SYNE1: variants seen among roughly 807,000 people sequenced by gnomAD.
The protein encoded by SYNE1 is spectrin repeat containing nuclear envelope protein 1, also known as nesprin-1.
A neutral mutation model predicts 1,111.0 loss-of-function variants in SYNE1; 616 were observed. The observed-to-expected ratio is 0.55, with a 90% CI of 0.52 to 0.59. The LOEUF (loss-of-function observed/expected upper bound fraction) is 0.59. Among genes scored for constraint, SYNE1 ranks in the 20% least tolerant of loss-of-function variants. The pLI is 0.00. For missense variants in SYNE1, 10,006 were observed against 10,417.0 expected (o/e 0.96, Z 1.72); for synonymous variants, 3,855 against 3,825.8 (o/e 1.01, Z -0.28).
In SYNE1 at chr6:152,278,280, T is replaced by C. The variant is rs571951279; in HGVS notation, c.18382A>G (p.Asn6128Asp). Reference protein sequence around the residue: ...DMEAQLMDCQNMLVEIEQKVV... With the variant: ...DMEAQLMDCQDMLVEIEQKVV... ...TTCTGCTCTATTTCCACCAGCATATTCTGCAGCAACAGAAATAAGAATGAA... is the reference window on the plus strand; with the variant it reads ...TTCTGCTCTATTTCCACCAGCATATCCTGCAGCAACAGAAATAAGAATGAA... Residue 6128 changes from asparagine to aspartate, a missense_variant and splice_region_variant, in exon 98 of 146, where the codon AAT (asparagine) becomes GAT (aspartate). By Grantham distance (23) the Asn-to-Asp change is conservative (BLOSUM62 1). Coordinates refer to ENST00000367255, the MANE Select transcript of SYNE1 (RefSeq NM_182961.4). The C allele has an allele frequency of 6.2e-7, 1 of 1,614,052 alleles. No individual in the cohort carries two copies. The highest frequency in any genetic ancestry group is 1.6e-4 in the Middle Eastern group (1 of 6,062).
intron 125 of SYNE1, 95 bp from the exon 126 acceptor site, chr6:152,206,457 C>T (rs2076527843): frequency 1.4e-6 from 2 of 1,381,020 alleles, no homozygotes; most frequent in Admixed American, 1.9e-5. Context: ...TGCCCTCTTT[C>T]ATCCAGCAAG....
At chr6:152,202,586 C>G (rs1353705073) in intron 126 of SYNE1, among the ~76,000 whole-genome samples, 1 of 152,002 alleles carries the variant, frequency 6.6e-6, no homozygotes, top group Non-Finnish European at 1.5e-5. Context: ...TTTATTGGAG[C>G]CCAAAGGAAG....
At chr6:152,233,724 T>C in intron 112 of SYNE1, 57 bp downstream of exon 112, 1 of 1,603,352 alleles carries the variant, frequency 6.2e-7, no homozygotes, top group Non-Finnish European at 8.5e-7. Flanking sequence ...TTAATGTATT[T>C]CTCCATGTCA....
At chr6:152,180,746 A>G (rs1293882976) in intron 128 of SYNE1, among the ~76,000 whole-genome samples, 1 of 152,120 alleles carries the variant, frequency 6.6e-6, no homozygotes, top group African/African-American at 2.4e-5. Context: ...AAGGAAGAAA[A>G]GAAGGGATGG....
In SYNE1 at chr6:152,308,616, T is replaced by C; in HGVS notation, c.17219A>G (p.Tyr5740Cys). 1 of 1,609,326 alleles carries C rather than the reference T, an allele frequency of 6.2e-7. No individual in the cohort carries two copies. The highest frequency in any genetic ancestry group is 8.5e-7 in the Non-Finnish European group (1 of 1,179,380). The change falls in exon 91 of 146, where the codon TAT becomes TGT. Residue 5740 changes from tyrosine to cysteine, a missense_variant. Tyr to Cys is a radical substitution (Grantham distance 194). Coordinates refer to ENST00000367255, the MANE Select transcript of SYNE1 (RefSeq NM_182961.4). Reference protein sequence around the residue: ...CNIMQEAVVQYEQYEQEMKHL... With the variant: ...CNIMQEAVVQCEQYEQEMKHL... ...TTTCATTTCTTGCTCATATTGTTCA[T>C]ATTGTACCACAGCTTCCTTTGAAAA... is the stretch of plus-strand genomic sequence containing the variant.
At chr6:152,623,298 T>C (rs1220959427) in intron 3 of SYNE1, among the ~76,000 whole-genome samples, 1 of 152,138 alleles carries the variant, frequency 6.6e-6, no homozygotes, top group Admixed American at 6.6e-5. Context: ...GCTAGCCACA[T>C]GCAGAAGACT....
chr6:152,552,968 A>T (rs2099352750), intron 3 of SYNE1, among the ~76,000 whole-genome samples: 1 of 152,198 alleles, frequency 6.6e-6, no homozygotes, highest in African/African-American at 2.4e-5. Flanking sequence ...CACATGCTCA[A>T]GTTTATTCGT....
intron 34 of SYNE1, among the ~76,000 whole-genome samples, chr6:152,431,036 G>A (rs1363830641): frequency 6.6e-6 from 1 of 152,116 alleles, no homozygotes; most frequent in Non-Finnish European, 1.5e-5. Context: ...TTTACGTTAT[G>A]AATTAGGCGT....
chr6:152,539,127 A>C (rs979940946), intron 4 of SYNE1, among the ~76,000 whole-genome samples: 1 of 152,188 alleles, frequency 6.6e-6, no homozygotes, highest in Admixed American at 6.5e-5. Flanking sequence ...TGAGAATAAA[A>C]AATTTGAAGA....
chr6:152,621,827 A>G (rs1727049), intron 3 of SYNE1, among the ~76,000 whole-genome samples: 108,376 of 152,000 alleles, frequency 0.71, 38,716 homozygotes, highest in East Asian at 0.82. Flanking sequence ...AAAACATTGT[A>G]TCTACAAAAA....
At chr6:152,472,246 G>T in intron 15 of SYNE1, 55 bp downstream of exon 15, 6 of 1,401,652 alleles carry the variant, frequency 4.3e-6, no homozygotes, top group Non-Finnish European at 6.0e-6. Flanking sequence ...AATATAAAAA[G>T]CGTCCACCTA....
At position 152,330,959 on chromosome 6, in the gene SYNE1, G is replaced by A; in HGVS notation, c.13726C>T (p.His4576Tyr). Residue 4576 changes from histidine (H) to tyrosine (Y), a missense_variant, in exon 78 of 146, where the codon CAC (histidine) becomes TAC (tyrosine). Transcript: ENST00000367255. ...HFKEDFDKAC[H>Y]WLKQADIVTF... is the part of the protein sequence containing the mutation. ...ACAATATCTGCTTGTTTTAGCCAGTGGCAAGCTTTATCAAAATCTTCCTTA... is the reference window on the plus strand; with the variant it reads ...ACAATATCTGCTTGTTTTAGCCAGTAGCAAGCTTTATCAAAATCTTCCTTA... The A allele has an allele frequency of 6.2e-7, 1 of 1,614,124 alleles. No individual in the cohort carries two copies. The highest frequency in any genetic ancestry group is 1.7e-5 in the Admixed American group (1 of 60,014).
intron 3 of SYNE1, among the ~76,000 whole-genome samples, chr6:152,593,832 G>T (rs1291111903): frequency 4.6e-5 from 7 of 152,096 alleles, no homozygotes; most frequent in Non-Finnish European, 1.0e-4. Flanking sequence ...TTACAGGGTT[G>T]TGAAAATCGT....
At chr6:152,126,112 T>G (rs1044263677) in intron 145 of SYNE1, 1 of 152,214 alleles carries the variant, frequency 6.6e-6, no homozygotes, top group East Asian at 1.9e-4. Flanking sequence ...TGACTTCTAA[T>G]GCTGAAGAAC....
chr6:152,140,088 C>A lies in SYNE1; in HGVS notation c.25320G>T (p.Gln8440His). The A allele has an allele frequency of 4.3e-6, 7 of 1,614,214 alleles. No homozygotes were observed. The highest frequency in any genetic ancestry group is 1.3e-5 in the African/African-American group (1 of 75,060). ...SKELRMKQNL[Q>H]KWQQFNSDLN... ...AGTCTGAGTTAAACTGCTGCCACTT[C>A]TGGAGGTTCTGCTTCATCCTCAACT... is the stretch of plus-strand genomic sequence containing the variant. The change falls in exon 140 of 146, where the codon CAG (glutamine) becomes CAT (histidine). Residue 8440 changes from glutamine to histidine, a missense_variant. Physicochemically the swap from Gln to His is conservative, Grantham distance 24. Coordinates refer to ENST00000367255, the MANE Select transcript of SYNE1 (RefSeq NM_182961.4).
intron 108 of SYNE1, among the ~76,000 whole-genome samples, chr6:152,238,252 G>C (rs373278539): frequency 6.6e-6 from 1 of 152,260 alleles, no homozygotes; most frequent in South Asian, 2.1e-4. Context: ...CACATTTCAG[G>C]TCGTGAAGTC....
intron 53 of SYNE1, among the ~76,000 whole-genome samples, chr6:152,388,594 G>A (rs1277837242): frequency 6.6e-6 from 1 of 152,104 alleles, no homozygotes; most frequent in African/African-American, 2.4e-5. Flanking sequence ...CCAAGACTCT[G>A]CATTCTTCTA....
At chr6:152,461,779 A>G (rs771453053) in intron 20 of SYNE1, 39 bp from the exon 21 acceptor site, 2 of 1,613,498 alleles carry the variant, frequency 1.2e-6, no homozygotes, top group Non-Finnish European at 1.7e-6. Context: ...CATACATGAC[A>G]CATTTCCTCT....
intron 59 of SYNE1, among the ~76,000 whole-genome samples, chr6:152,370,211 GC>G (rs2097157019): frequency 6.6e-6 from 1 of 151,974 alleles, no homozygotes; most frequent in African/African-American, 2.4e-5. Context: ...TCTATACCAT[GC>G]CTATATACTT....
Sources: allele counts gnomAD v4.1 joint callset (sites outside exome capture counted in the v4.1 genomes callset), GRCh38; gene constraint gnomAD v4.1.1; transcripts MANE v1.5; gene names NCBI Gene and HGNC (gene_info 2026-07-23, HGNC 2026-07-21).